Variants in SPATA33 observed in about 807,000 individuals in gnomAD.
The protein encoded by SPATA33 is spermatogenesis associated 33.
In SPATA33, 10 loss-of-function variants were observed where a neutral mutation model predicts 8.9. That is an observed-to-expected ratio of 1.12 (90% confidence interval 0.69 to 1.90). The LOEUF is 1.90. Among genes scored for constraint, SPATA33 ranks in the 40% most tolerant of loss-of-function variants. The pLI, the probability that SPATA33 is intolerant of heterozygous loss-of-function variation, is 0.00. For synonymous variants in SPATA33, 96 were observed against 72.8 expected (o/e 1.32, Z -1.63); for missense variants, 241 against 178.3 (o/e 1.35, Z -2.00).
At chr16:89,660,454 A>T in intron 2 of SPATA33, 1 of 1,231,804 alleles carries the variant, frequency 8.1e-7, no homozygotes. Flanking sequence ...GTGGGGGAGG[A>T]AGGTGGACAT....
intron 2 of SPATA33, chr16:89,661,051 C>T (rs779933422): frequency 4.6e-5 from 45 of 987,556 alleles, no homozygotes; most frequent in Non-Finnish European, 5.3e-5. Context: ...TCCTGCCAAA[C>T]GTGTCCTGAA....
chr16:89,670,449 C>T lies in SPATA33; in HGVS notation c.*952C>T, dbSNP rs2060088416. ...TGATAAATGAATAAATTAGTATGTT[C>T]ATGTTGGAAGTGGCTGGCTCTGCAG... On this transcript the variant is annotated 3_prime_UTR_variant, in exon 3 of 3. Transcript: ENST00000579310. The T allele has an allele frequency of 6.6e-6, 1 of 152,236 alleles. No individual in the cohort carries two copies. Among genetic ancestry groups the T allele is most frequent in the South Asian group, 2.1e-4 (1 of 4,834 alleles). 9.4% of individuals were successfully genotyped at this position (152,236 alleles called of 1,614,324 possible). A position where few individuals can be genotyped will look rare whatever the true frequency, so the allele number is the denominator to read the frequency against.
intron 2 of SPATA33, among the ~76,000 whole-genome samples, chr16:89,661,987 G>C (rs1371098948): frequency 6.6e-6 from 1 of 152,140 alleles, no homozygotes; most frequent in East Asian, 1.9e-4. Context: ...TCATATGTCT[G>C]AAATTCCTTA....
At chr16:89,661,007 C>T (rs2059959284) in intron 2 of SPATA33, 14 of 992,552 alleles carry the variant, frequency 1.4e-5, no homozygotes, top group Non-Finnish European at 1.7e-5. Context: ...CTTCACATGC[C>T]TCCAACTGCC....
In SPATA33 at chr16:89,669,319, A is replaced by G; in HGVS notation, c.245A>G (p.Lys82Arg). The G allele has an allele frequency of 3.1e-6, 5 of 1,614,244 alleles. No homozygotes were observed. The highest frequency in any genetic ancestry group is 4.2e-6 in the Non-Finnish European group (5 of 1,180,040). Residue 82 changes from lysine (K) to arginine (R), a missense_variant, in exon 3 of 3, where the codon AAG becomes AGG. Coordinates refer to ENST00000579310, the MANE Select transcript of SPATA33 (RefSeq NM_001271907.2). ...GATGTAAAGCAAAAGTCCAGCAGGA[A>G]GAAAGTGGTCGTTCCACAGATCATC... ...KPDVKQKSSR[K>R]KVVVPQIIIT... is the part of the protein sequence containing the mutation.
chr16:89,657,844 C>A lies in SPATA33; in HGVS notation c.-68C>A. 1 of 1,510,820 alleles carries A rather than the reference C, an allele frequency of 6.6e-7. No individual in the cohort carries two copies. Among genetic ancestry groups the A allele is most frequent in the Non-Finnish European group, 8.8e-7 (1 of 1,135,910 alleles). 93.6% of individuals were successfully genotyped at this position (1,510,820 alleles called of 1,614,324 possible). ...TGGCGCGAGGACCTTTTGTGAGTCG[C>A]TCCCGGCTCCGCGGCCGCGGAGGTG... is the stretch of plus-strand genomic sequence containing the variant. On this transcript the variant is annotated 5_prime_UTR_variant, in exon 1 of 3. Transcript: ENST00000579310.
At chr16:89,659,024 C>T (rs907711911) in intron 2 of SPATA33, 1 of 153,026 alleles carries the variant, frequency 6.5e-6, no homozygotes, top group African/African-American at 2.4e-5. Context: ...GAGGTGCTGC[C>T]TGGGGCGGTA....
chr16:89,661,256 CAT>C (rs1365679153), intron 2 of SPATA33: 4 of 971,936 alleles, frequency 4.1e-6, no homozygotes, highest in Admixed American at 6.2e-5. Flanking sequence ...TGAATTCCCA[CAT>C]GTGGGAGGAA....
intron 2 of SPATA33, among the ~76,000 whole-genome samples, chr16:89,662,561 T>G (rs2059977766): frequency 6.6e-6 from 1 of 151,040 alleles, no homozygotes; most frequent in Non-Finnish European, 1.5e-5. Flanking sequence ...GTAGCTGGGA[T>G]TACAGGCGCC....
chr16:89,665,779 C>A (rs896149172), intron 2 of SPATA33, among the ~76,000 whole-genome samples: 1 of 151,950 alleles, frequency 6.6e-6, no homozygotes, highest in South Asian at 2.1e-4. Context: ...TTCAAAGGTT[C>A]ATCTAAAGAA....
rs927584561 is a variant in SPATA33, at chr16:89,658,272, C to A, written c.62C>A (p.Thr21Asn). The A allele has an allele frequency of 6.2e-6, 10 of 1,614,042 alleles. No homozygotes were observed. Among genetic ancestry groups the A allele is most frequent in the Non-Finnish European group, 8.5e-6 (10 of 1,180,030 alleles). The stretch of plus-strand genomic sequence containing the variant: ...GGTGAGGAGCAAAAGAAGGGATCCA[C>A]CTATTCAGTTCCAAAATCTAAGGAG... ...RKGEEQKKGS[T>N]YSVPKSKEKL... is the part of the protein sequence containing the mutation. The change falls in exon 2 of 3, where the codon ACC becomes AAC. Residue 21 changes from threonine (T) to asparagine (N), a missense_variant. Transcript: ENST00000579310.
chr16:89,661,351 T>C (rs1166569904), intron 2 of SPATA33: 2 of 370,232 alleles, frequency 5.4e-6, no homozygotes, highest in Non-Finnish European at 7.5e-6. Context: ...CGAGATCCGA[T>C]GGTTTTAAAA....
At position 89,657,879 on chromosome 16, in the gene SPATA33, G is replaced by A. The variant is rs1427661971; in HGVS notation, c.-33G>A. ...CGCGGCCGCGGAGGTGTGGGGACCCGGGCTTGCGTCGGAGGGGGCGGTGGG... is the reference window on the plus strand; with the variant it reads ...CGCGGCCGCGGAGGTGTGGGGACCCAGGCTTGCGTCGGAGGGGGCGGTGGG... On this transcript the variant is annotated 5_prime_UTR_variant, in exon 1 of 3. Transcript: ENST00000579310. 1.3e-6 allele frequency: 2 copies of A among 1,516,044 alleles called. No homozygotes were observed. Among genetic ancestry groups the A allele is most frequent in the Non-Finnish European group, 1.8e-6 (2 of 1,138,952 alleles). 93.9% of individuals were successfully genotyped at this position (1,516,044 alleles called of 1,614,324 possible).
intron 2 of SPATA33, among the ~76,000 whole-genome samples, chr16:89,665,736 C>A (rs764497671): frequency 2.6e-5 from 4 of 152,108 alleles, no homozygotes; most frequent in African/African-American, 9.7e-5. Flanking sequence ...CAAGTCAAAA[C>A]ACAAAAGATC....
chr16:89,658,381 CG>C lies in SPATA33; in HGVS notation c.174del (p.Thr59GlnfsTer17). 1 of 1,612,724 alleles carries C rather than the reference CG, an allele frequency of 6.2e-7. No individual in the cohort carries two copies. Among genetic ancestry groups the C allele is most frequent in the Non-Finnish European group, 8.5e-7 (1 of 1,179,780 alleles). ...CTGTGGACAGCCTCCACCCGGGGGC[CG>C]GGACAGCCAAGCACCCGCCGCCGGC... is the stretch of plus-strand genomic sequence containing the variant. ...KPVDSLHPGA[G>X]TAKHPPPAAS... is the part of the protein sequence containing the mutation. On this transcript the variant is annotated frameshift_variant, in exon 2 of 3. Transcript: ENST00000579310. LOFTEE classifies it low-confidence loss of function (END_TRUNC).
At chr16:89,667,291 C>T (rs567007257) in intron 2 of SPATA33, among the ~76,000 whole-genome samples, 32 of 152,302 alleles carry the variant, frequency 2.1e-4, no homozygotes, top group African/African-American at 3.9e-4. Context: ...TCACCATGTC[C>T]CCCCAGCTCC....
In SPATA33 at chr16:89,669,386, C is replaced by G; in HGVS notation, c.312C>G (p.Ser104=). The G allele has an allele frequency of 1.2e-6, 2 of 1,614,198 alleles. No individual in the cohort carries two copies. Among genetic ancestry groups the G allele is most frequent in the South Asian group, 2.2e-5 (2 of 91,082 alleles). ...ATGAGACGCTAGTCAGTTGCAGTTCCAGCGGGAGTGACCAGCAGAGAACCA... is the reference window on the plus strand; with the variant it reads ...ATGAGACGCTAGTCAGTTGCAGTTCGAGCGGGAGTGACCAGCAGAGAACCA... ...ASNETLVSCS[S]SGSDQQRTIR... is the part of the protein sequence containing the mutation. The change falls in exon 3 of 3, where the codon TCC becomes TCG. Residue 104 remains serine (S), a synonymous_variant. Transcript: ENST00000579310.
In SPATA33 at chr16:89,669,521, G is replaced by A. The variant is rs748068346; in HGVS notation, c.*24G>A. 6.2e-6 allele frequency: 10 copies of A among 1,605,892 alleles called. No homozygotes were observed. The Admixed American group carries it at 1.0e-4, about 16-fold the overall frequency. On this transcript the variant is annotated 3_prime_UTR_variant, in exon 3 of 3. Transcript: ENST00000579310. ...AAACAAGCACCTTTGCATGGCACTCGCTACTCCCTGCGATAGGCGTCTCGG... is the reference window on the plus strand; with the variant it reads ...AAACAAGCACCTTTGCATGGCACTCACTACTCCCTGCGATAGGCGTCTCGG...
At chr16:89,666,572 C>A (rs2060028317) in intron 2 of SPATA33, among the ~76,000 whole-genome samples, 1 of 152,054 alleles carries the variant, frequency 6.6e-6, no homozygotes, top group South Asian at 2.1e-4. Flanking sequence ...GTTTTCTCCC[C>A]ATGTGCGGAG....
Sources: allele counts gnomAD v4.1 joint callset (sites outside exome capture counted in the v4.1 genomes callset), GRCh38; gene constraint gnomAD v4.1.1; transcripts MANE v1.5; gene names NCBI Gene and HGNC (gene_info 2026-07-23, HGNC 2026-07-21).